Variants in ARSG observed in about 807,000 individuals in gnomAD.
ARSG encodes arylsulfatase G.
ARSG carries 37 observed loss-of-function variants against 50.5 expected under a neutral mutation model. The ratio of observed to expected loss-of-function variants is 0.73; its 90% CI spans 0.56 to 0.96. The LOEUF (loss-of-function observed/expected upper bound fraction) is 0.96. Among genes scored for constraint, ARSG ranks in the 50% least tolerant of loss-of-function variants. The probability of loss-of-function intolerance (pLI) is 0.00; values close to 1 mark genes in which losing one functional copy is unlikely to be tolerated. For missense variants in ARSG, 629 were observed against 675.3 expected, an observed-to-expected ratio of 0.93 and a Z score of 0.76; for synonymous variants, 225 against 254.6, an observed-to-expected ratio of 0.88 and a Z score of 1.11.
At chr17:68,293,105 C>T (rs2076076005) in intron 1 of ARSG, among the ~76,000 whole-genome samples, 1 of 152,124 alleles carries the variant, frequency 6.6e-6, no homozygotes, top group African/African-American at 2.4e-5. Context: ...AGAGAGAGCC[C>T]TTTTTTGAGT....
In ARSG at chr17:68,307,275, T is replaced by G; in HGVS notation, c.-219T>G. The G allele has an allele frequency of 1.9e-6, 1 of 533,678 alleles. No homozygotes were observed. The allele number at this position is 533,678 out of a possible 1,614,324, so 33.1% of individuals were successfully genotyped here. ...GGGATTGCAAATTTCCTGATTCTTTTGAATTAGGATTCCAGATGGGGGCCT... is the reference window on the plus strand; with the variant it reads ...GGGATTGCAAATTTCCTGATTCTTTGGAATTAGGATTCCAGATGGGGGCCT... On this transcript the variant is annotated 5_prime_UTR_variant, in exon 2 of 12. Transcript: ENST00000621439.
At chr17:68,350,295 G>A (rs1311236571) in intron 4 of ARSG, among the ~76,000 whole-genome samples, 1 of 152,186 alleles carries the variant, frequency 6.6e-6, no homozygotes, top group African/African-American at 2.4e-5. Flanking sequence ...AGTTGAAGCT[G>A]AAAACACAGC....
chr17:68,420,090 G>A (rs2082671756), intron 11 of ARSG, 99 bp from the exon 12 acceptor site: 1 of 1,355,254 alleles, frequency 7.4e-7, no homozygotes, highest in Non-Finnish European at 1.0e-6. Context: ...TGGTTATCTG[G>A]TATGTTTGAA....
downstream of ARSG, chr17:68,425,972 T>C (rs1185760760): frequency 1.0e-5 from 9 of 859,340 alleles, no homozygotes; most frequent in Admixed American, 6.7e-5. Context: ...TTAGTTGTTA[T>C]AGATTAGAAA....
downstream of ARSG, chr17:68,427,328 G>T: frequency 9.0e-7 from 1 of 1,107,874 alleles, no homozygotes; most frequent in Non-Finnish European, 1.4e-6. Context: ...CAAAGGAAAA[G>T]CATGAAGAAG....
At chr17:68,278,798 T>G (rs2075607495) in intron 1 of ARSG, among the ~76,000 whole-genome samples, 1 of 151,906 alleles carries the variant, frequency 6.6e-6, no homozygotes, top group South Asian at 2.1e-4. Flanking sequence ...TTTTGTATTT[T>G]TAGTAGAGAT....
rs1051626133 is a variant in ARSG, at chr17:68,343,643, C to G, written c.258C>G (p.Pro86=). ...DFHAAASTCS[P]SRASLLTGRL... The stretch of plus-strand genomic sequence containing the variant: ...ATGCAGCTGCCTCCACCTGCTCACC[C>G]TCCCGGGCTTCCTTGCTCACCGGCC... Residue 86 remains proline (P), a synonymous_variant, in exon 3 of 12, where the codon CCC becomes CCG. Transcript: ENST00000621439. 1.2e-6 allele frequency: 2 copies of G among 1,613,688 alleles called. No individual in the cohort carries two copies. The highest frequency in any genetic ancestry group is 2.7e-5 in the African/African-American group (2 of 74,928).
At chr17:68,295,671 ATTTTTTT>A (rs56840354) in intron 1 of ARSG, among the ~76,000 whole-genome samples, 14,041 of 114,262 alleles carry the variant, frequency 0.12, 795 homozygotes, top group Middle Eastern at 0.17. Context: ...TCTAAGACAA[ATTTTTTT>A]TTTTTTTTTT....
At chr17:68,302,462 G>A (rs1351484466) in intron 1 of ARSG, among the ~76,000 whole-genome samples, 1 of 152,174 alleles carries the variant, frequency 6.6e-6, no homozygotes, top group Non-Finnish European at 1.5e-5. Flanking sequence ...GGGAAACGAG[G>A]GTCAGGTGAT....
intron 5 of ARSG, 101 bp from the exon 6 acceptor site, chr17:68,356,566 T>G: frequency 7.5e-7 from 1 of 1,342,094 alleles, no homozygotes; most frequent in Non-Finnish European, 1.0e-6. Context: ...GGGGCCAGAG[T>G]GTTGTATTTA....
chr17:68,332,007 C>A (rs2077796912), intron 2 of ARSG, among the ~76,000 whole-genome samples: 1 of 152,216 alleles, frequency 6.6e-6, no homozygotes, highest in Admixed American at 6.5e-5. Context: ...TCATTGATAA[C>A]ATCTTATTAG....
In ARSG at chr17:68,325,962, G is replaced by A. The variant is rs190256878; in HGVS notation, c.219-17642G>A. 1.2e-3 allele frequency among the ~76,000 whole-genome samples: 178 copies of A among 152,284 alleles called. 1 individual carries two copies. Among genetic ancestry groups the A allele is most frequent in the African/African-American group, 4.2e-3 (174 of 41,546 alleles). ...CCACACTGCATTAGTATCCAGGTGG[G>A]ACATTACATGGGAAACTATCATTAG... On this transcript the variant is annotated intron_variant, in intron 2 of 11. Coordinates refer to ENST00000621439, the MANE Select transcript of ARSG (RefSeq NM_001267727.2).
intron 5 of ARSG, among the ~76,000 whole-genome samples, chr17:68,356,455 G>C (rs2079036105): frequency 6.6e-6 from 1 of 152,236 alleles, no homozygotes; most frequent in African/African-American, 2.4e-5. Context: ...AGAGTGGTCA[G>C]CTCGTCCATG....
intron 5 of ARSG, among the ~76,000 whole-genome samples, chr17:68,352,989 G>T (rs1033056649): frequency 6.6e-6 from 1 of 152,050 alleles, no homozygotes; most frequent in African/African-American, 2.4e-5. Context: ...GGCTACAGTT[G>T]TCTGAGCCAC....
chr17:68,269,605 A>G (rs1352566301), intron 1 of ARSG, among the ~76,000 whole-genome samples: 1 of 145,178 alleles, frequency 6.9e-6, no homozygotes, highest in African/African-American at 2.6e-5. Context: ...TTCGATGCAT[A>G]CTTCTTTGAA....
rs141748845 is a variant in ARSG, at chr17:68,343,638, T to C, written c.253T>C (p.Ser85Pro). Residue 85 changes from serine (S) to proline (P), a missense_variant, in exon 3 of 12, where the codon TCA becomes CCA. Ser to Pro is a moderately conservative substitution (Grantham distance 74). Transcript: ENST00000621439. Reference sequence around the variant, plus strand: ...TTTCCATGCAGCTGCCTCCACCTGCTCACCCTCCCGGGCTTCCTTGCTCAC... The same window carrying C: ...TTTCCATGCAGCTGCCTCCACCTGCCCACCCTCCCGGGCTTCCTTGCTCAC... ...VDFHAAASTC[S>P]PSRASLLTGR... is the part of the protein sequence containing the mutation. 69 of 1,613,362 alleles carry C rather than the reference T, an allele frequency of 4.3e-5. No individual in the cohort carries two copies. Among genetic ancestry groups the C allele is most frequent in the Non-Finnish European group, 5.3e-5 (63 of 1,179,590 alleles).
intron 11 of ARSG, among the ~76,000 whole-genome samples, chr17:68,418,125 T>C (rs1021866910): frequency 7.9e-5 from 12 of 152,152 alleles, no homozygotes; most frequent in Non-Finnish European, 1.3e-4. Flanking sequence ...ACTGGGAGTC[T>C]CCTATTTAGT....
chr17:68,420,507 G>A lies in ARSG; in HGVS notation c.*44G>A. 6.3e-7 allele frequency: 1 copy of A among 1,585,178 alleles called. No individual in the cohort carries two copies. Among genetic ancestry groups the A allele is most frequent in the Non-Finnish European group, 8.6e-7 (1 of 1,161,504 alleles). On this transcript the variant is annotated 3_prime_UTR_variant, in exon 12 of 12. Transcript: ENST00000621439. ...ACGAGGAGGAGTACCTGGAAATTAG[G>A]CAAGTTTGCTTCCAAATTTCATTTT...
At chr17:68,347,400 TC>T (rs1459159635) in intron 4 of ARSG, among the ~76,000 whole-genome samples, 1 of 152,148 alleles carries the variant, frequency 6.6e-6, no homozygotes. Context: ...TGTTTGCCCT[TC>T]CAACTGCCCC....
Sources: allele counts gnomAD v4.1 joint callset (sites outside exome capture counted in the v4.1 genomes callset), GRCh38; gene constraint gnomAD v4.1.1; transcripts MANE v1.5; gene names NCBI Gene and HGNC (gene_info 2026-07-23, HGNC 2026-07-21).